PLCL1: variants seen among roughly 807,000 people sequenced by gnomAD.
The protein encoded by PLCL1 is inactive phospholipase C-like protein 1.
A neutral mutation model predicts 84.4 loss-of-function variants in PLCL1; 41 were observed. The ratio of observed to expected loss-of-function variants is 0.49; its 90% CI spans 0.38 to 0.63. PLCL1 has a LOEUF of 0.63. PLCL1 is among the 30% of genes least tolerant of loss of function. The pLI is 0.00. For missense variants in PLCL1, 1,206 were observed against 1,367.8 expected (o/e 0.88, Z 1.87); for synonymous variants, 490 against 488.3 (o/e 1.00, Z -0.05).
At chr2:197,877,890 A>G (rs1559032951) in intron 1 of PLCL1, among the ~76,000 whole-genome samples, 2 of 152,132 alleles carry the variant, frequency 1.3e-5, no homozygotes, top group Non-Finnish European at 2.9e-5. Flanking sequence ...GTGCAAATGT[A>G]GTAAATCAAA....
At chr2:198,086,668 C>G (rs987979444) in intron 2 of PLCL1, among the ~76,000 whole-genome samples, 1 of 152,120 alleles carries the variant, frequency 6.6e-6, no homozygotes, top group Non-Finnish European at 1.5e-5. Flanking sequence ...TACCATTGAA[C>G]TAAGTTCAGT....
intron 1 of PLCL1, among the ~76,000 whole-genome samples, chr2:197,947,172 C>T (rs892099570): frequency 2.0e-5 from 3 of 150,910 alleles, no homozygotes; most frequent in African/African-American, 7.3e-5. Context: ...TTAAGAATTT[C>T]AGATGACTGC....
rs1008632972 is a variant in PLCL1 at position 198,148,463 on chromosome 2, T to C, written c.*1501T>C. 6.6e-6 allele frequency: 1 copy of C among 152,354 alleles called. No homozygotes were observed. Among genetic ancestry groups the C allele is most frequent in the African/African-American group, 2.4e-5 (1 of 41,462 alleles). The allele number at this position is 152,354 out of a possible 1,614,324, so 9.4% of individuals were successfully genotyped here. ...AGCAAAGCTAATGAAAATGGGTTACTACATCAAAAATATCTTAAAGAGTTT... is the reference window on the plus strand; with the variant it reads ...AGCAAAGCTAATGAAAATGGGTTACCACATCAAAAATATCTTAAAGAGTTT... On this transcript the variant is annotated 3_prime_UTR_variant, in exon 6 of 6. Transcript: ENST00000428675.
chr2:197,904,461 T>C (rs944931473), intron 1 of PLCL1, among the ~76,000 whole-genome samples: 1 of 152,206 alleles, frequency 6.6e-6, no homozygotes, highest in African/African-American at 2.4e-5. Context: ...GCAGTAAAAT[T>C]TGGCTTAATG....
chr2:197,990,591 A>G (rs548165073), intron 1 of PLCL1, among the ~76,000 whole-genome samples: 1 of 152,308 alleles, frequency 6.6e-6, no homozygotes, highest in South Asian at 2.1e-4. Context: ...ACTGCGCTTT[A>G]TAAAACTGTC....
intron 1 of PLCL1, among the ~76,000 whole-genome samples, chr2:197,874,813 A>G (rs909330782): frequency 3.3e-5 from 5 of 152,126 alleles, no homozygotes; most frequent in Non-Finnish European, 5.9e-5. Flanking sequence ...AATTTTATCT[A>G]TTTAACTTTA....
At chr2:198,083,662 A>G in intron 1 of PLCL1, 96 bp from the exon 2 acceptor site, 1 of 731,182 alleles carries the variant, frequency 1.4e-6, no homozygotes, top group Non-Finnish European at 2.2e-6. Context: ...AAATAATCAC[A>G]ATATGTGAAT....
At chr2:197,847,808 C>T (rs577593755) in intron 1 of PLCL1, among the ~76,000 whole-genome samples, 2 of 152,254 alleles carry the variant, frequency 1.3e-5, no homozygotes, top group African/African-American at 4.8e-5. Context: ...TGTATTTGTG[C>T]TGAAATGCCA....
intron 1 of PLCL1, among the ~76,000 whole-genome samples, chr2:197,910,180 G>A (rs1191935450): frequency 6.6e-6 from 1 of 152,208 alleles, no homozygotes; most frequent in Non-Finnish European, 1.5e-5. Context: ...AGTGTTTTTA[G>A]TGAAAAGGAG....
At chr2:198,031,831 T>C (rs1262899270) in intron 1 of PLCL1, among the ~76,000 whole-genome samples, 3 of 152,094 alleles carry the variant, frequency 2.0e-5, no homozygotes, top group Admixed American at 2.0e-4. Flanking sequence ...TTAATATTAC[T>C]TGTTACTATG....
intron 1 of PLCL1, among the ~76,000 whole-genome samples, chr2:197,943,984 T>G (rs1023855695): frequency 1.3e-5 from 2 of 152,212 alleles, no homozygotes. Flanking sequence ...GGAATGTCCA[T>G]TGCCTCTCTT....
chr2:197,821,238 C>A (rs1185884213), intron 1 of PLCL1, among the ~76,000 whole-genome samples: 4 of 152,138 alleles, frequency 2.6e-5, no homozygotes, highest in African/African-American at 9.7e-5. Context: ...GCTTGATCTA[C>A]ATCTGAACTT....
chr2:198,001,799 T>C (rs928428404), intron 1 of PLCL1, among the ~76,000 whole-genome samples: 2 of 152,176 alleles, frequency 1.3e-5, no homozygotes, highest in African/African-American at 4.8e-5. Flanking sequence ...CATTACCACC[T>C]GAGCTCTGCC....
chr2:198,094,269 G>C (rs1360366137), intron 3 of PLCL1, among the ~76,000 whole-genome samples: 1 of 152,144 alleles, frequency 6.6e-6, no homozygotes, highest in East Asian at 1.9e-4. Flanking sequence ...CACCATGTTA[G>C]CCAGGATGGT....
At chr2:198,057,362 A>G (rs1692093169) in intron 1 of PLCL1, among the ~76,000 whole-genome samples, 1 of 152,014 alleles carries the variant, frequency 6.6e-6, no homozygotes, top group Admixed American at 6.5e-5. Context: ...GTGTGGGGGT[A>G]GTAGGGAGGA....
chr2:197,867,752 C>G (rs975824870), intron 1 of PLCL1, among the ~76,000 whole-genome samples: 1 of 152,088 alleles, frequency 6.6e-6, no homozygotes. Context: ...CATCATCTTG[C>G]CTACTCTGCT....
At chr2:197,903,802 C>CT (rs1232211481) in intron 1 of PLCL1, among the ~76,000 whole-genome samples, 2,879 of 104,430 alleles carry the variant, frequency 0.028, 54 homozygotes, top group East Asian at 0.055. Context: ...AGTGCCCGGC[C>CT]TTTTTTTTTT....
At chr2:197,849,309 G>A (rs1003974863) in intron 1 of PLCL1, among the ~76,000 whole-genome samples, 1 of 152,198 alleles carries the variant, frequency 6.6e-6, no homozygotes, top group Non-Finnish European at 1.5e-5. Flanking sequence ...CACTTTGGGA[G>A]GCTGAGGTGG....
At chr2:197,966,567 C>A (rs1406674054) in intron 1 of PLCL1, among the ~76,000 whole-genome samples, 1 of 152,144 alleles carries the variant, frequency 6.6e-6, no homozygotes, top group Non-Finnish European at 1.5e-5. Flanking sequence ...TGTGCTCTCC[C>A]TTCCCCAGGC....
Sources: gnomAD v4.1 joint callset for allele counts (sites outside exome capture counted in the v4.1 genomes callset) on GRCh38, gnomAD v4.1.1 for gene constraint, MANE v1.5 for transcripts, NCBI Gene and HGNC (gene_info 2026-07-23, HGNC 2026-07-21) for gene names.